ARHGAP29: variants seen among roughly 807,000 people sequenced by gnomAD.
The protein encoded by ARHGAP29 is Rho GTPase activating protein 29.
ARHGAP29 carries 43 observed loss-of-function variants against 122.6 expected under a neutral mutation model. The ratio of observed to expected loss-of-function variants is 0.35; its 90% CI spans 0.27 to 0.45. ARHGAP29 has a LOEUF of 0.45. ARHGAP29 is among the 20% of genes least tolerant of loss of function. The pLI, the probability that ARHGAP29 is intolerant of heterozygous loss-of-function variation, is 1.00. For missense variants in ARHGAP29, 1,303 were observed against 1,477.2 expected, an observed-to-expected ratio of 0.88 and a Z score of 1.93; for synonymous variants, 506 against 497.1, an observed-to-expected ratio of 1.02 and a Z score of -0.24.
rs145423469 is a variant in ARHGAP29 at position 94,185,741 on chromosome 1, C to T, written c.1781-260G>A. On this transcript the variant is annotated intron_variant, in intron 16 of 22. Coordinates refer to ENST00000260526, the MANE Select transcript of ARHGAP29 (RefSeq NM_004815.4). ...TGCTATGAATAATAACATGACATAACGTTTTCAGAATCAGCATATTTACAC... is the reference window on the plus strand; with the variant it reads ...TGCTATGAATAATAACATGACATAATGTTTTCAGAATCAGCATATTTACAC... Among the ~76,000 whole-genome samples the T allele has an allele frequency of 8.5e-5, 13 of 152,100 alleles. No individual in the cohort carries two copies. The South Asian group carries it at 1.2e-3, about 15-fold the overall frequency.
In ARHGAP29 at chr1:94,237,572, C is replaced by T. The variant is rs1026010572; in HGVS notation, c.-190G>A. The T allele has an allele frequency of 5.4e-5, 54 of 991,180 alleles. No homozygotes were observed. Among genetic ancestry groups the T allele is most frequent in the Middle Eastern group, 5.2e-4 (1 of 1,934 alleles). 61.4% of individuals were successfully genotyped at this position (991,180 alleles called of 1,614,324 possible). On this transcript the variant is annotated 5_prime_UTR_variant, in exon 1 of 23. Transcript: ENST00000260526. ...CCGCAGCCGCAGCCACAGCCACAGG[C>T]ACCACCACCACTGCAGCCGCCACCG...
intron 1 of ARHGAP29, among the ~76,000 whole-genome samples, chr1:94,244,965 A>G (rs934489592): frequency 6.6e-6 from 1 of 152,200 alleles, no homozygotes; most frequent in Non-Finnish European, 1.5e-5. Flanking sequence ...AAAAGAAGAT[A>G]CACAACTGGG....
chr1:94,180,404 T>G (rs1306372347), intron 19 of ARHGAP29, among the ~76,000 whole-genome samples: 2 of 152,194 alleles, frequency 1.3e-5, no homozygotes, highest in Non-Finnish European at 2.9e-5. Flanking sequence ...TGTTAACATT[T>G]TATTTATCTA....
At chr1:94,281,490 T>C in the ARHGAP29 span, among the ~76,000 whole-genome samples, 11 of 152,058 alleles carry the variant, frequency 7.2e-5, no homozygotes, top group African/African-American at 2.2e-4. Context: ...GTGAGATGAG[T>C]TACAGGACTT....
At position 94,174,634 on chromosome 1, in the gene ARHGAP29, C is replaced by T; in HGVS notation, c.3021G>A (p.Glu1007=). ...LKSDRSTNNV[E]RHTPRTKIRP... ...TAATCTTGGTCCTTGGAGTATGCCT[C>T]TCCACATTGTTTGTTGACCTATCAG... The change falls in exon 23 of 23, where the codon GAG becomes GAA. Residue 1007 remains glutamate, a synonymous_variant. Coordinates refer to ENST00000260526, the MANE Select transcript of ARHGAP29 (RefSeq NM_004815.4). 1 of 1,614,074 alleles carries T rather than the reference C, an allele frequency of 6.2e-7. No individual in the cohort carries two copies.
At chr1:94,298,153 T>C in the ARHGAP29 span, among the ~76,000 whole-genome samples, 1 of 152,240 alleles carries the variant, frequency 6.6e-6, no homozygotes, top group African/African-American at 2.4e-5. Context: ...CCATCCTGAA[T>C]ACACTTTCAT....
the ARHGAP29 span, among the ~76,000 whole-genome samples, chr1:94,287,791 G>A: frequency 3.0e-5 from 4 of 132,184 alleles, no homozygotes; most frequent in East Asian, 8.8e-4. Flanking sequence ...TGAGAATGAT[G>A]GTTCTCAGCT....
chr1:94,227,713 T>C (rs1019822718), intron 2 of ARHGAP29, among the ~76,000 whole-genome samples: 4 of 151,758 alleles, frequency 2.6e-5, no homozygotes, highest in African/African-American at 9.7e-5. Context: ...TTAAAAATTA[T>C]TACATAAACT....
chr1:94,200,333 CAAATT>C (rs1650760945), intron 12 of ARHGAP29, among the ~76,000 whole-genome samples: 1 of 152,124 alleles, frequency 6.6e-6, no homozygotes, highest in Non-Finnish European at 1.5e-5. Flanking sequence ...TTTAGAAACA[CAAATT>C]AAAACCACAA....
Position 94,174,631 on chromosome 1 carries a change from C to T in ARHGAP29, c.3024G>A (p.Arg1008=), listed in dbSNP as rs2101318911. The change falls in exon 23 of 23, where the codon AGG becomes AGA. Residue 1008 remains arginine (R), a synonymous_variant. Coordinates refer to ENST00000260526, the MANE Select transcript of ARHGAP29 (RefSeq NM_004815.4). ...GTCTAATCTTGGTCCTTGGAGTATG[C>T]CTCTCCACATTGTTTGTTGACCTAT... The part of the protein sequence containing the change: ...KSDRSTNNVE[R]HTPRTKIRPV... 6.2e-7 allele frequency: 1 copy of T among 1,614,018 alleles called. No individual in the cohort carries two copies. Among genetic ancestry groups the T allele is most frequent in the South Asian group, 1.1e-5 (1 of 91,080 alleles).
At chr1:94,215,314 C>T (rs1651896139) in intron 3 of ARHGAP29, among the ~76,000 whole-genome samples, 1 of 149,796 alleles carries the variant, frequency 6.7e-6, no homozygotes, top group Non-Finnish European at 1.5e-5. Context: ...CATCAAAAAA[C>T]AAAACAAAAC....
At chr1:94,238,899 C>G (rs1653462090), upstream of ARHGAP29, among the ~76,000 whole-genome samples, 1 of 152,044 alleles carries the variant, frequency 6.6e-6, no homozygotes, top group Non-Finnish European at 1.5e-5. Context: ...TCTTTGAACC[C>G]TTACAGGAAA....
intron 5 of ARHGAP29, among the ~76,000 whole-genome samples, chr1:94,208,260 C>T (rs1651345418): frequency 6.6e-6 from 1 of 152,124 alleles, no homozygotes; most frequent in Non-Finnish European, 1.5e-5. Flanking sequence ...GTCACTATAC[C>T]TGGTCCCAAA....
chr1:94,249,541 G>A (rs59960594), intron 1 of ARHGAP29: 34,726 of 151,996 alleles, frequency 0.23, 4,191 homozygotes, highest in East Asian at 0.46. Context: ...ACTTGAGGTC[G>A]GGAGTTCAAG....
At chr1:94,230,720 T>A (rs1652874497) in intron 2 of ARHGAP29, among the ~76,000 whole-genome samples, 1 of 151,854 alleles carries the variant, frequency 6.6e-6, no homozygotes, top group Non-Finnish European at 1.5e-5. Flanking sequence ...CCATTTATCA[T>A]AGAAGAATAG....
chr1:94,292,882 G>A, the ARHGAP29 span, among the ~76,000 whole-genome samples: 1 of 152,168 alleles, frequency 6.6e-6, no homozygotes, highest in Non-Finnish European at 1.5e-5. Context: ...GTCCCTACTG[G>A]GAGGTGTCTC....
chr1:94,217,447 T>C (rs999631315), intron 3 of ARHGAP29, among the ~76,000 whole-genome samples: 7 of 151,316 alleles, frequency 4.6e-5, no homozygotes, highest in East Asian at 1.9e-4. Context: ...GGCAGGAGAA[T>C]TGCTTGAACC....
intron 3 of ARHGAP29, among the ~76,000 whole-genome samples, chr1:94,213,320 C>T (rs912476104): frequency 3.3e-5 from 5 of 152,178 alleles, no homozygotes; most frequent in African/African-American, 9.7e-5. Flanking sequence ...GCTGGGACTA[C>T]AGGCACCCGC....
At chr1:94,284,949 G>A in the ARHGAP29 span, among the ~76,000 whole-genome samples, 1 of 152,178 alleles carries the variant, frequency 6.6e-6, no homozygotes, top group Admixed American at 6.5e-5. Context: ...CCACATAAGA[G>A]TTATTAGGAG....
Sources: allele counts gnomAD v4.1 joint callset (sites outside exome capture counted in the v4.1 genomes callset), GRCh38; gene constraint gnomAD v4.1.1; transcripts MANE v1.5; gene names NCBI Gene and HGNC (gene_info 2026-07-23, HGNC 2026-07-21).